Variants in FRY observed in about 807,000 individuals in gnomAD.
FRY encodes the protein FRY microtubule binding protein.
In FRY, 128 loss-of-function variants were observed where a neutral mutation model predicts 348.4. The ratio of observed to expected loss-of-function variants is 0.37; its 90% confidence interval spans 0.32 to 0.43. The LOEUF (loss-of-function observed/expected upper bound fraction) is 0.43. Among genes scored for constraint, FRY ranks in the 20% least tolerant of loss-of-function variants. FRY has a pLI of 1.00. For synonymous variants in FRY, 1,370 were observed against 1,374.7 expected, an observed-to-expected ratio of 1.00 and a Z score of 0.08; for missense variants, 2,736 against 3,695.2, an observed-to-expected ratio of 0.74 and a Z score of 6.73.
At chr13:32,085,153 C>G (rs1875774057) in intron 2 of FRY, among the ~76,000 whole-genome samples, 1 of 152,200 alleles carries the variant, frequency 6.6e-6, no homozygotes, top group Non-Finnish European at 1.5e-5. Context: ...CATTGATTCT[C>G]AGCCTCCTAC....
At chr13:32,273,317 G>A (rs1291061062) in intron 55 of FRY, among the ~76,000 whole-genome samples, 12 of 151,322 alleles carry the variant, frequency 7.9e-5, no homozygotes, top group African/African-American at 2.7e-4. Flanking sequence ...CGCCCCCTGG[G>A]GTTCACGCCA....
chr13:32,122,268 C>T (rs558513485), intron 4 of FRY, among the ~76,000 whole-genome samples: 1 of 151,880 alleles, frequency 6.6e-6, no homozygotes, highest in South Asian at 2.1e-4. Context: ...ACAGTGAAAC[C>T]CTGTCTCTAC....
At chr13:32,177,465 T>C (rs1882435753) in intron 20 of FRY, among the ~76,000 whole-genome samples, 1 of 152,008 alleles carries the variant, frequency 6.6e-6, no homozygotes, top group African/African-American at 2.4e-5. Context: ...GTGGTGGCGA[T>C]TGCCTGTAAT....
chr13:32,116,911 G>A (rs1486901171), intron 3 of FRY, among the ~76,000 whole-genome samples: 1 of 152,104 alleles, frequency 6.6e-6, no homozygotes, highest in African/African-American at 2.4e-5. Flanking sequence ...AGGTTATTTG[G>A]TGATGGGGGC....
Position 32,147,279 on chromosome 13 carries a change from T to C in FRY, c.1180-3T>C, listed in dbSNP as rs750200487. On this transcript the variant is annotated splice_polypyrimidine_tract_variant and splice_region_variant and intron_variant, in intron 11 of 60. Transcript: ENST00000542859. ...CAGTCTTACATCTTGGTTTCTGTTATAGAACAAAGATCCCAAGATGGCTCG... is the reference window on the plus strand; with the variant it reads ...CAGTCTTACATCTTGGTTTCTGTTACAGAACAAAGATCCCAAGATGGCTCG... 12 of 1,572,964 alleles carry C rather than the reference T, an allele frequency of 7.6e-6. No individual in the cohort carries two copies. In the South Asian group the frequency reaches 8.9e-5, roughly 12 times the overall value.
At chr13:32,198,349 T>A (rs1056458772) in intron 29 of FRY, among the ~76,000 whole-genome samples, 5 of 152,182 alleles carry the variant, frequency 3.3e-5, no homozygotes, top group African/African-American at 1.2e-4. Flanking sequence ...GACAGAGACA[T>A]AGGTAAAGCA....
chr13:32,074,743 A>C (rs1394540921), intron 1 of FRY, among the ~76,000 whole-genome samples: 1 of 152,266 alleles, frequency 6.6e-6, no homozygotes, highest in Non-Finnish European at 1.5e-5. Context: ...CAACAGGAAC[A>C]ATTGTTTCTT....
intron 29 of FRY, among the ~76,000 whole-genome samples, chr13:32,196,072 C>A (rs1883660763): frequency 6.6e-6 from 1 of 152,164 alleles, no homozygotes; most frequent in Admixed American, 6.6e-5. Flanking sequence ...TTTTACAAAA[C>A]CAATTGTGAT....
At position 32,131,939 on chromosome 13, in the gene FRY, T is replaced by C. The variant is rs532013837; in HGVS notation, c.885+99T>C. On this transcript the variant is annotated intron_variant, in intron 8 of 60. Coordinates refer to ENST00000542859, the MANE Select transcript of FRY (RefSeq NM_023037.3). ...ACATGAAAAGCCAATTACTTGTCAA[T>C]ACGGAGAAACATTCTACTGTCTAAA... 3.4e-4 allele frequency: 306 copies of C among 911,226 alleles called. 1 individual carries two copies. Among genetic ancestry groups the C allele is most frequent in the Middle Eastern group, 2.7e-3 (10 of 3,656 alleles). The allele number at this position is 911,226 out of a possible 1,614,324, so 56.4% of individuals were successfully genotyped here. A position where few individuals can be genotyped will look rare whatever the true frequency, so the allele number is the denominator to read the frequency against.
chr13:32,084,440 C>T (rs576572526), intron 2 of FRY, among the ~76,000 whole-genome samples: 2 of 152,174 alleles, frequency 1.3e-5, no homozygotes, highest in Admixed American at 1.3e-4. Flanking sequence ...GCATGCTGAC[C>T]CCTCTTCCTG....
chr13:32,230,858 G>C (rs1460414788), intron 40 of FRY, among the ~76,000 whole-genome samples: 3 of 152,148 alleles, frequency 2.0e-5, no homozygotes, highest in Non-Finnish European at 4.4e-5. Flanking sequence ...ATTCTGACTG[G>C]TGTGAGATGG....
intron 18 of FRY, among the ~76,000 whole-genome samples, chr13:32,172,046 G>A (rs1882118471): frequency 1.9e-5 from 1 of 53,620 alleles, no homozygotes; most frequent in Admixed American, 1.9e-4. Context: ...ATGTAGATGT[G>A]GATATGGATG....
intron 3 of FRY, among the ~76,000 whole-genome samples, chr13:32,114,296 A>G (rs1878161737): frequency 6.6e-6 from 1 of 152,194 alleles, no homozygotes; most frequent in Non-Finnish European, 1.5e-5. Context: ...AGCATCTTAC[A>G]CTGCCATGGT....
chr13:32,154,825 G>A (rs1418494869), intron 14 of FRY, among the ~76,000 whole-genome samples: 2 of 152,126 alleles, frequency 1.3e-5, no homozygotes, highest in Non-Finnish European at 2.9e-5. Context: ...CTTTGAAGAC[G>A]AGCACTAGGG....
chr13:32,166,535 G>A lies in FRY; in HGVS notation c.1893-4477G>A, dbSNP rs137862802. ...CAAGGCTTCCTTTCCCTTTTAGATA[G>A]CTATTTTTTTCCCGCTTTATAATGT... On this transcript the variant is annotated intron_variant, in intron 17 of 60. Coordinates refer to ENST00000542859, the MANE Select transcript of FRY (RefSeq NM_023037.3). Among the ~76,000 whole-genome samples, 184 of 152,280 alleles carry A rather than the reference G, an allele frequency of 1.2e-3. 1 individual carries two copies. Among genetic ancestry groups the A allele is most frequent in the African/African-American group, 4.3e-3 (180 of 41,554 alleles).
At chr13:32,131,191 A>G (rs1466520056) in intron 7 of FRY, among the ~76,000 whole-genome samples, 3 of 152,244 alleles carry the variant, frequency 2.0e-5, no homozygotes, top group African/African-American at 7.2e-5. Context: ...GGAAATGATA[A>G]CAGAAAACTT....
At chr13:32,188,186 T>C (rs751794756) in intron 28 of FRY, among the ~76,000 whole-genome samples, 11 of 152,098 alleles carry the variant, frequency 7.2e-5, no homozygotes, top group Non-Finnish European at 1.3e-4. Flanking sequence ...ATTTTAAAAA[T>C]ATAAACTTTA....
intron 43 of FRY, 110 bp downstream of exon 43, chr13:32,236,282 A>T: frequency 1.2e-6 from 1 of 800,810 alleles, no homozygotes; most frequent in Admixed American, 2.1e-5. Context: ...TTTGAAGTAT[A>T]TTTATGACCT....
At chr13:32,073,989 A>G (rs965032289) in intron 1 of FRY, among the ~76,000 whole-genome samples, 1 of 152,224 alleles carries the variant, frequency 6.6e-6, no homozygotes, top group Non-Finnish European at 1.5e-5. Flanking sequence ...GAAGATTTAA[A>G]CCAGCTAAGA....
Sources: gnomAD v4.1 joint callset for allele counts (sites outside exome capture counted in the v4.1 genomes callset) on GRCh38, gnomAD v4.1.1 for gene constraint, MANE v1.5 for transcripts, NCBI Gene and HGNC (gene_info 2026-07-23, HGNC 2026-07-21) for gene names.